Variants in GRM1 observed in about 807,000 individuals in gnomAD.
GRM1 encodes glutamate metabotropic receptor 1, also known as metabotropic glutamate receptor 1.
In GRM1, 33 loss-of-function variants were observed where a neutral mutation model predicts 90.9. The ratio of observed to expected loss-of-function variants is 0.36; its 90% CI spans 0.28 to 0.49. The LOEUF (loss-of-function observed/expected upper bound fraction) is 0.49. Among genes scored for constraint, GRM1 ranks in the 20% least tolerant of loss-of-function variants. GRM1 has a pLI of 0.99. For missense variants in GRM1, 1,190 were observed against 1,534.3 expected, an observed-to-expected ratio of 0.78 and a Z score of 3.75; for synonymous variants, 700 against 613.2, an observed-to-expected ratio of 1.14 and a Z score of -2.09.
At position 146,271,763 on chromosome 6, in the gene GRM1, T is replaced by C. The variant is rs531669665; in HGVS notation, c.951-32848T>C. Among the ~76,000 whole-genome samples, 124 of 152,322 alleles carry C rather than the reference T, an allele frequency of 8.1e-4. 1 individual carries two copies. The highest frequency in any genetic ancestry group is 2.9e-3 in the African/African-American group (121 of 41,590). ...TTCTCTGTGAGGACAGTCCACTAAATGGCCATGTTCAAAGGAATCTCACAA... is the reference window on the plus strand; with the variant it reads ...TTCTCTGTGAGGACAGTCCACTAAACGGCCATGTTCAAAGGAATCTCACAA... On this transcript the variant is annotated intron_variant, in intron 2 of 7. Transcript: ENST00000282753.
chr6:146,134,101 G>A (rs977018858), intron 1 of GRM1, among the ~76,000 whole-genome samples: 1 of 152,176 alleles, frequency 6.6e-6, no homozygotes, highest in African/African-American at 2.4e-5. Flanking sequence ...CCTCCCTGTG[G>A]TCTACCCGCT....
intron 2 of GRM1, among the ~76,000 whole-genome samples, chr6:146,236,482 A>C (rs1025673273): frequency 6.6e-6 from 1 of 152,054 alleles, no homozygotes; most frequent in Non-Finnish European, 1.5e-5. Context: ...TTTCTCTGTG[A>C]CTGGTGGTAG....
chr6:146,407,666 G>C (rs1440395967), intron 7 of GRM1, among the ~76,000 whole-genome samples: 1 of 152,142 alleles, frequency 6.6e-6, no homozygotes, highest in African/African-American at 2.4e-5. Flanking sequence ...TGCAAATAAA[G>C]AATCTGAGGC....
intron 2 of GRM1, among the ~76,000 whole-genome samples, chr6:146,165,970 T>G (rs576285296): frequency 2.0e-4 from 31 of 152,204 alleles, no homozygotes; most frequent in African/African-American, 7.5e-4. Context: ...ACTTTCATGG[T>G]CTTTACCTGC....
intron 1 of GRM1, among the ~76,000 whole-genome samples, chr6:146,118,854 G>T (rs369728973): frequency 2.0e-5 from 3 of 152,186 alleles, no homozygotes; most frequent in Admixed American, 1.3e-4. Context: ...TGGACATTTG[G>T]GTTGGTTCCA....
intron 2 of GRM1, among the ~76,000 whole-genome samples, chr6:146,199,422 A>G (rs1365904242): frequency 1.3e-5 from 2 of 152,204 alleles, no homozygotes; most frequent in Non-Finnish European, 2.9e-5. Flanking sequence ...ACCCAAGTCA[A>G]TGAATTCTTA....
chr6:146,127,855 CAT>C (rs1302133646), intron 1 of GRM1, among the ~76,000 whole-genome samples: 1 of 152,096 alleles, frequency 6.6e-6, no homozygotes, highest in Non-Finnish European at 1.5e-5. Flanking sequence ...GCATTTTTGT[CAT>C]GATTGTGTAA....
At chr6:146,268,479 T>C (rs144353825) in intron 2 of GRM1, among the ~76,000 whole-genome samples, 1 of 152,360 alleles carries the variant, frequency 6.6e-6, no homozygotes, top group African/African-American at 2.4e-5. Flanking sequence ...CCTGCATTCC[T>C]TCATTACAAG....
At chr6:146,358,199 G>A (rs1360573521) in intron 5 of GRM1, among the ~76,000 whole-genome samples, 6 of 151,896 alleles carry the variant, frequency 4.0e-5, no homozygotes, top group Non-Finnish European at 8.8e-5. Flanking sequence ...AAAAGACAGC[G>A]TCCCCACTTT....
Position 146,152,872 on chromosome 6 carries a change from T to C in GRM1, c.701-6476T>C, listed in dbSNP as rs1043831318. On this transcript the variant is annotated intron_variant, in intron 1 of 7. Coordinates refer to ENST00000282753, the MANE Select transcript of GRM1 (RefSeq NM_001278064.2). ...ACAATTACATAGCCTTTTTATTTCT[T>C]AAGTGTTTTATTATAGGTCACTTTT... is the stretch of plus-strand genomic sequence containing the variant. Among the ~76,000 whole-genome samples the C allele has an allele frequency of 3.9e-5, 6 of 152,330 alleles. No homozygotes were observed. In the South Asian group the frequency reaches 1.2e-3, roughly 32 times the overall value.
At chr6:146,308,699 C>T (rs2114935922) in intron 3 of GRM1, among the ~76,000 whole-genome samples, 1 of 152,206 alleles carries the variant, frequency 6.6e-6, no homozygotes, top group African/African-American at 2.4e-5. Flanking sequence ...TATACAGAAG[C>T]ATTAGAAAGC....
chr6:146,330,528 A>G (rs1227262174), intron 3 of GRM1, among the ~76,000 whole-genome samples: 2 of 152,124 alleles, frequency 1.3e-5, no homozygotes, highest in African/African-American at 4.8e-5. Context: ...CAGTCTTGTA[A>G]TCTAAATTTT....
chr6:146,355,093 T>A (rs1785538001), intron 4 of GRM1, among the ~76,000 whole-genome samples: 1 of 152,236 alleles, frequency 6.6e-6, no homozygotes. Context: ...AGAGCCAGCA[T>A]TGCAGCAAAG....
intron 6 of GRM1, among the ~76,000 whole-genome samples, chr6:146,393,076 A>G (rs972136164): frequency 1.3e-5 from 2 of 152,108 alleles, no homozygotes; most frequent in Non-Finnish European, 2.9e-5. Flanking sequence ...GTCAAATGGT[A>G]TTTCTGGTTC....
chr6:146,420,061 C>T lies in GRM1; in HGVS notation c.2661-13811C>T, dbSNP rs1032644378. ...CACAGGTCCAGCTTCTCCCTCAACA[C>T]ATTTGCTGATGTCTGCCATTGGGTG... On this transcript the variant is annotated intron_variant, in intron 7 of 7. Coordinates refer to ENST00000282753, the MANE Select transcript of GRM1 (RefSeq NM_001278064.2). Among the ~76,000 whole-genome samples, 3 of 152,216 alleles carry T rather than the reference C, an allele frequency of 2.0e-5. No individual in the cohort carries two copies. The South Asian group carries it at 6.2e-4, about 31-fold the overall frequency.
intron 1 of GRM1, among the ~76,000 whole-genome samples, chr6:146,105,084 G>C (rs1562465836): frequency 6.6e-6 from 1 of 152,092 alleles, no homozygotes; most frequent in Non-Finnish European, 1.5e-5. Context: ...GTTTTGTAAA[G>C]TTTTCTGTGA....
Position 146,157,551 on chromosome 6 carries a change from T to C in GRM1, c.701-1797T>C, listed in dbSNP as rs552825728. ...GCAAATACATTGACCTAGGCAACTA[T>C]TGTTGCTATAAACAGGAGCAATGAA... On this transcript the variant is annotated intron_variant, in intron 1 of 7. Coordinates refer to ENST00000282753, the MANE Select transcript of GRM1 (RefSeq NM_001278064.2). Among the ~76,000 whole-genome samples the C allele has an allele frequency of 7.7e-4, 117 of 152,298 alleles. 3 individuals are homozygous for C. The South Asian group carries it at 0.024, about 31-fold the overall frequency.
intron 5 of GRM1, among the ~76,000 whole-genome samples, chr6:146,373,596 C>G (rs1024507210): frequency 3.9e-5 from 6 of 152,138 alleles, no homozygotes; most frequent in Non-Finnish European, 7.4e-5. Context: ...GGGGCGGACA[C>G]AGAGCCAAAC....
At chr6:146,381,488 C>CA (rs1776316267) in intron 5 of GRM1, among the ~76,000 whole-genome samples, 1 of 152,178 alleles carries the variant, frequency 6.6e-6, no homozygotes. Context: ...CATGCTGCAG[C>CA]ATCTAGAGGG....
Sources: gnomAD v4.1 joint callset for allele counts (sites outside exome capture counted in the v4.1 genomes callset) on GRCh38, gnomAD v4.1.1 for gene constraint, MANE v1.5 for transcripts, NCBI Gene and HGNC (gene_info 2026-07-23, HGNC 2026-07-21) for gene names.